The following RAB11FIP4 variants were observed in gnomAD, a reference collection of about 807,000 sequenced individuals.
RAB11FIP4 encodes the protein RAB11 family interacting protein 4, also known as rab11 family-interacting protein 4.
Under a neutral mutation model 74.3 loss-of-function variants are expected in RAB11FIP4, and 23 were observed. That is an observed-to-expected ratio of 0.31 (90% CI 0.22 to 0.44). The LOEUF (loss-of-function observed/expected upper bound fraction) is 0.44. Among genes scored for constraint, RAB11FIP4 ranks in the 20% least tolerant of loss-of-function variants. The probability of loss-of-function intolerance (pLI) is 1.00; values close to 1 mark genes in which losing one functional copy is unlikely to be tolerated. For synonymous variants in RAB11FIP4, 360 were observed against 359.9 expected (o/e 1.00, Z 0.00); for missense variants, 630 against 863.9 (o/e 0.73, Z 3.39).
At chr17:31,495,690 T>C (rs1269489406) in intron 3 of RAB11FIP4, among the ~76,000 whole-genome samples, 1 of 152,212 alleles carries the variant, frequency 6.6e-6, no homozygotes, top group Non-Finnish European at 1.5e-5. Context: ...CAACCTTGAA[T>C]TGATGGTCTC....
chr17:31,502,289 G>T (rs369240770), intron 3 of RAB11FIP4, among the ~76,000 whole-genome samples: 1 of 152,006 alleles, frequency 6.6e-6, no homozygotes, highest in Non-Finnish European at 1.5e-5. Context: ...CTCTTTAAAG[G>T]TTGAATTGGC....
intron 1 of RAB11FIP4, among the ~76,000 whole-genome samples, chr17:31,419,604 G>T (rs1597906432): frequency 6.7e-6 from 1 of 149,366 alleles, no homozygotes; most frequent in South Asian, 2.1e-4. Context: ...AGGCTAGAGT[G>T]CAGTGGGGCG....
intron 1 of RAB11FIP4, among the ~76,000 whole-genome samples, chr17:31,422,118 T>C (rs1328638602): frequency 6.6e-6 from 1 of 152,098 alleles, no homozygotes; most frequent in South Asian, 2.1e-4. Context: ...GAGGCTGCAG[T>C]GAGCTATGAT....
chr17:31,406,292 C>T (rs1319427625), intron 1 of RAB11FIP4, among the ~76,000 whole-genome samples: 1 of 152,266 alleles, frequency 6.6e-6, no homozygotes, highest in Non-Finnish European at 1.5e-5. Context: ...CGCTCAGCTG[C>T]CAGCCAGAGG....
intron 10 of RAB11FIP4, chr17:31,527,613 T>A: frequency 2.3e-6 from 1 of 431,290 alleles, no homozygotes; most frequent in Non-Finnish European, 3.9e-6. Flanking sequence ...AGAAAGAAAA[T>A]AAGAATGATA....
In RAB11FIP4 at chr17:31,442,931, G is replaced by T. The variant is rs573043450; in HGVS notation, c.336+8809G>T. Among the ~76,000 whole-genome samples the T allele has an allele frequency of 6.0e-5, 9 of 149,392 alleles. No homozygotes were observed. In the South Asian group the frequency reaches 1.9e-3, roughly 32 times the overall value. On this transcript the variant is annotated intron_variant, in intron 3 of 14. Transcript: ENST00000621161. ...GCTGAGATCGTGCCATTGCACTCCA[G>T]CCTGGGCAACAGAGTGAGACTCTGT...
intron 3 of RAB11FIP4, among the ~76,000 whole-genome samples, chr17:31,506,686 G>A (rs1414083694): frequency 6.6e-6 from 1 of 152,062 alleles, no homozygotes; most frequent in Non-Finnish European, 1.5e-5. Flanking sequence ...TGTTCTGTAG[G>A]TTCATCCATG....
intron 1 of RAB11FIP4, among the ~76,000 whole-genome samples, chr17:31,393,187 A>G (rs919351654): frequency 3.3e-5 from 5 of 152,202 alleles, no homozygotes; most frequent in African/African-American, 9.6e-5. Context: ...GAACTCAGGT[A>G]CCCACCACAG....
chr17:31,525,456 G>A (rs988314327), intron 10 of RAB11FIP4: 3 of 570,434 alleles, frequency 5.3e-6, no homozygotes, highest in African/African-American at 3.8e-5. Flanking sequence ...CTCACATTTG[G>A]TAATGCAAAC....
At chr17:31,467,882 G>C (rs2071700603) in intron 3 of RAB11FIP4, among the ~76,000 whole-genome samples, 1 of 152,230 alleles carries the variant, frequency 6.6e-6, no homozygotes, top group Admixed American at 6.5e-5. Context: ...GCTGAAACCG[G>C]CCTTTTGCAA....
At chr17:31,400,042 C>CAAA (rs563945627) in intron 1 of RAB11FIP4, among the ~76,000 whole-genome samples, 6 of 110,802 alleles carry the variant, frequency 5.4e-5, no homozygotes, top group East Asian at 2.7e-4. Context: ...GATTCCATCT[C>CAAA]AAAAAAAAAA....
At chr17:31,421,468 C>T (rs371997470) in intron 1 of RAB11FIP4, among the ~76,000 whole-genome samples, 1 of 151,716 alleles carries the variant, frequency 6.6e-6, no homozygotes, top group African/African-American at 2.4e-5. Context: ...ATCCACCTGC[C>T]TCAGCCTCCA....
In RAB11FIP4 at chr17:31,536,890, T is replaced by C. The variant is rs2072973640; in HGVS notation, c.*5158T>C. On this transcript the variant is annotated 3_prime_UTR_variant, in exon 15 of 15. Coordinates refer to ENST00000621161, the MANE Select transcript of RAB11FIP4 (RefSeq NM_032932.6). ...ACCCTGGGGAAGTATAATGTCACCATGCTCACCAGGCGAGGTTTCCCATAT... is the reference window on the plus strand; with the variant it reads ...ACCCTGGGGAAGTATAATGTCACCACGCTCACCAGGCGAGGTTTCCCATAT... 2.5e-6 allele frequency: 1 copy of C among 398,168 alleles called. No individual in the cohort carries two copies. The highest frequency in any genetic ancestry group is 2.1e-5 in the African/African-American group (1 of 48,616). The allele number at this position is 398,168 out of a possible 1,614,324, so 24.7% of individuals were successfully genotyped here.
At chr17:31,475,344 A>T (rs2071780984) in intron 3 of RAB11FIP4, among the ~76,000 whole-genome samples, 1 of 152,184 alleles carries the variant, frequency 6.6e-6, no homozygotes. Flanking sequence ...GTGCGCTTCA[A>T]ACCTGACTCT....
intron 3 of RAB11FIP4, among the ~76,000 whole-genome samples, chr17:31,485,671 G>GGCAGATAGAGTGGGCCCAGGGT (rs1271643908): frequency 5.9e-5 from 9 of 152,164 alleles, no homozygotes; most frequent in Non-Finnish European, 8.8e-5. Context: ...GAGATGGGAA[G>GGCAGATAGAGTGGGCCCAGGGT]GCAGATAGAG....
intron 3 of RAB11FIP4, among the ~76,000 whole-genome samples, chr17:31,510,205 C>G (rs1222717081): frequency 6.6e-6 from 1 of 152,208 alleles, no homozygotes; most frequent in Non-Finnish European, 1.5e-5. Context: ...GCTGAATTTC[C>G]TGCTGCCCAT....
rs2072905549 is a variant in RAB11FIP4, at chr17:31,533,387, C to G, written c.*1655C>G. On this transcript the variant is annotated 3_prime_UTR_variant, in exon 15 of 15. Transcript: ENST00000621161. ...AGCCACCCACACTGGGAAGACTAGGCTAGGCAGTCGGTCTTCTAGGAGTTT... is the reference window on the plus strand; with the variant it reads ...AGCCACCCACACTGGGAAGACTAGGGTAGGCAGTCGGTCTTCTAGGAGTTT... 1 of 152,264 alleles carries G rather than the reference C, an allele frequency of 6.6e-6. No individual in the cohort carries two copies. Among genetic ancestry groups the G allele is most frequent in the East Asian group, 1.9e-4 (1 of 5,194 alleles). 9.4% of individuals were successfully genotyped at this position (152,264 alleles called of 1,614,324 possible). A position where few individuals can be genotyped will look rare whatever the true frequency, so the allele number is the denominator to read the frequency against.
Position 31,401,948 on chromosome 17 carries a change from C to T in RAB11FIP4, c.159+9937C>T, listed in dbSNP as rs1180962294. Among the ~76,000 whole-genome samples, 16 of 152,174 alleles carry T rather than the reference C, an allele frequency of 1.1e-4. 1 individual carries two copies. The highest frequency in any genetic ancestry group is 1.0e-3 in the Admixed American group (16 of 15,278). On this transcript the variant is annotated intron_variant, in intron 1 of 14. Transcript: ENST00000621161. ...GAGTTCCATCTGCTCACACTTCCTC[C>T]ACCCATTCATCCAACCATCTGCCTG...
At chr17:31,444,650 C>G (rs1264836365) in intron 3 of RAB11FIP4, among the ~76,000 whole-genome samples, 1 of 152,144 alleles carries the variant, frequency 6.6e-6, no homozygotes, top group African/African-American at 2.4e-5. Context: ...ACCCTGACGC[C>G]CAAGTCCACA....
Sources: gnomAD v4.1 joint callset for allele counts (sites outside exome capture counted in the v4.1 genomes callset) on GRCh38, gnomAD v4.1.1 for gene constraint, MANE v1.5 for transcripts, NCBI Gene and HGNC (gene_info 2026-07-23, HGNC 2026-07-21) for gene names.